GRHL1: variants seen among roughly 807,000 people sequenced by gnomAD.
GRHL1 encodes the protein grainyhead-like protein 1 homolog.
A neutral mutation model predicts 75.7 loss-of-function variants in GRHL1; 38 were observed. That is an observed-to-expected ratio of 0.50 (90% CI 0.39 to 0.66). The LOEUF (loss-of-function observed/expected upper bound fraction) is 0.66. Among genes scored for constraint, GRHL1 ranks in the 30% least tolerant of loss-of-function variants. GRHL1 has a pLI of 0.00. For missense variants in GRHL1, 589 were observed against 767.5 expected, an observed-to-expected ratio of 0.77 and a Z score of 2.75; for synonymous variants, 266 against 279.4, an observed-to-expected ratio of 0.95 and a Z score of 0.48.
In GRHL1 at chr2:9,965,324, C is replaced by G; in HGVS notation, c.1053C>G (p.Ile351Met). 2 of 1,611,300 alleles carry G rather than the reference C, an allele frequency of 1.2e-6. No individual in the cohort carries two copies. The highest frequency in any genetic ancestry group is 1.7e-6 in the Non-Finnish European group (2 of 1,177,456). ...AAAGCTTCAACACTATCAGTAACAT[C>G]GAGGAGATTGCGTATAACGCCATTT... Reference protein sequence around the residue: ...YKESFNTISNIEEIAYNAISF... With the variant: ...YKESFNTISNMEEIAYNAISF... Residue 351 changes from isoleucine to methionine, a missense_variant, in exon 8 of 16, where the codon ATC becomes ATG. Physicochemically the swap from Ile to Met is conservative, Grantham distance 10 (BLOSUM62 1). Around this residue, in one of 5 missense-constraint regions of GRHL1, gnomAD observed 362 missense variants for 461.8 expected, o/e 0.78. Coordinates refer to ENST00000324907, the MANE Select transcript of GRHL1 (RefSeq NM_198182.3).
In GRHL1 at chr2:9,968,820, C is replaced by T. The variant is rs142614261; in HGVS notation, c.1110+3439C>T. On this transcript the variant is annotated intron_variant, in intron 8 of 15. Transcript: ENST00000324907. This position sits in a 1 kb window ranked among gnomAD's most constrained non-coding sequence, Gnocchi z 4.7. ...TTCAGAACTGAGCCCAGCACATATC[C>T]GAGAGCCTGCTGTGGACAAGGCGTG... Among the ~76,000 whole-genome samples the T allele has an allele frequency of 1.1e-3, 166 of 152,270 alleles. No homozygotes were observed. Among genetic ancestry groups the T allele is most frequent in the Non-Finnish European group, 1.8e-3 (120 of 68,012 alleles).
intron 2 of GRHL1, among the ~76,000 whole-genome samples, chr2:9,957,741 G>A (rs529907716): frequency 5.3e-5 from 8 of 152,298 alleles, no homozygotes; most frequent in African/African-American, 1.4e-4. Context: ...TGAAAACAAG[G>A]ATGCAGGAAT....
chr2:9,983,712 TC>T (rs1238918827), intron 8 of GRHL1, among the ~76,000 whole-genome samples: 1 of 152,060 alleles, frequency 6.6e-6, no homozygotes, highest in Admixed American at 6.5e-5. Flanking sequence ...ATTCGGATTT[TC>T]CATTGGTTGT....
chr2:9,988,527 C>T (rs145095681), intron 9 of GRHL1, among the ~76,000 whole-genome samples: 14 of 152,126 alleles, frequency 9.2e-5, no homozygotes, highest in Non-Finnish European at 1.5e-4. Flanking sequence ...TACCCGGCCA[C>T]GTACTGGAGT....
chr2:9,995,365 G>T (rs73162261), intron 12 of GRHL1: 3,207 of 152,416 alleles, frequency 0.021, 120 homozygotes, highest in African/African-American at 0.073. Flanking sequence ...GCCAAGGTAG[G>T]AAGATCGCTT....
chr2:9,955,373 T>C (rs373096013), intron 2 of GRHL1, among the ~76,000 whole-genome samples: 1 of 152,212 alleles, frequency 6.6e-6, no homozygotes, highest in African/African-American at 2.4e-5. Context: ...TAGATGTGCC[T>C]TCTTGGGTTT....
At chr2:9,994,793 C>G (rs150713921) in intron 12 of GRHL1, among the ~76,000 whole-genome samples, 13 of 152,220 alleles carry the variant, frequency 8.5e-5, no homozygotes, top group Non-Finnish European at 1.9e-4. Context: ...CTGCTGGACC[C>G]TCCATGCCAG....
In GRHL1 at chr2:9,987,751, C is replaced by T. The variant is rs1022539667; in HGVS notation, c.1269+1469C>T. On this transcript the variant is annotated intron_variant, in intron 9 of 15. Transcript: ENST00000324907. This position sits in a 1 kb window ranked among gnomAD's most constrained non-coding sequence, Gnocchi z 4.2. ...TGCAGGGAGAGTCTGGAAGGTGCGT[C>T]GAGTCTTGAGGGGAAAGTTTGTGCT... is the stretch of plus-strand genomic sequence containing the variant. Among the ~76,000 whole-genome samples, 4 of 152,100 alleles carry T rather than the reference C, an allele frequency of 2.6e-5. No homozygotes were observed. The highest frequency in any genetic ancestry group is 6.6e-5 in the Admixed American group (1 of 15,266).
rs117618691 is a variant in GRHL1 at position 9,955,806 on chromosome 2, T to C, written c.207+705T>C. On this transcript the variant is annotated intron_variant, in intron 2 of 15. Coordinates refer to ENST00000324907, the MANE Select transcript of GRHL1 (RefSeq NM_198182.3). Reference sequence around the variant, plus strand: ...TAGTCTGGTCCATGGCCGAGGCCACTGTCTTTCTAATGCAGCGTGCATACC... The same window carrying C: ...TAGTCTGGTCCATGGCCGAGGCCACCGTCTTTCTAATGCAGCGTGCATACC... Among the ~76,000 whole-genome samples, 18 of 152,380 alleles carry C rather than the reference T, an allele frequency of 1.2e-4. No individual in the cohort carries two copies. The East Asian group carries it at 3.1e-3, about 26-fold the overall frequency.
Position 9,955,027 on chromosome 2 carries a change from A to T in GRHL1, c.133A>T (p.Thr45Ser), listed in dbSNP as rs1037317771. Residue 45 changes from threonine (T) to serine (S), a missense_variant, in exon 2 of 16, where the codon ACC becomes TCC. Around this residue, in one of 5 missense-constraint regions of GRHL1, gnomAD observed 362 missense variants for 461.8 expected, o/e 0.78. Coordinates refer to ENST00000324907, the MANE Select transcript of GRHL1 (RefSeq NM_198182.3). ...CCTGGAAAACCCTCTCACTGCAGCG[A>T]CCAAAGCGATGATGAGCATCAATGG... ...SFLENPLTAA[T>S]KAMMSINGDE... 4 of 1,613,644 alleles carry T rather than the reference A, an allele frequency of 2.5e-6. No individual in the cohort carries two copies. Among genetic ancestry groups the T allele is most frequent in the South Asian group, 1.1e-5 (1 of 91,084 alleles).
intron 2 of GRHL1, among the ~76,000 whole-genome samples, 176 bp from the exon 3 acceptor site, chr2:9,958,608 ATT>A (rs1197367027): frequency 6.6e-6 from 1 of 152,206 alleles, no homozygotes; most frequent in East Asian, 1.9e-4. Context: ...GGGTGACTAG[ATT>A]TTAAGCTCGT....
At chr2:9,962,065 T>C (rs1471441440) in intron 4 of GRHL1, among the ~76,000 whole-genome samples, 3 of 152,186 alleles carry the variant, frequency 2.0e-5, no homozygotes, top group African/African-American at 7.2e-5. Context: ...ACCACATCTC[T>C]TCAGCTGTGG....
In GRHL1 at chr2:9,993,981, T is replaced by C. The variant is rs78434848; in HGVS notation, c.1499+737T>C. On this transcript the variant is annotated intron_variant, in intron 12 of 15. Coordinates refer to ENST00000324907, the MANE Select transcript of GRHL1 (RefSeq NM_198182.3). ...GCTGTGATTCATTAGTCATTTACTT[T>C]GATGCTCAGGTTGTCCCAGAATTGG... Among the ~76,000 whole-genome samples the C allele has an allele frequency of 5.5e-3, 840 of 152,374 alleles. 10 individuals are homozygous for C. Among genetic ancestry groups the C allele is most frequent in the African/African-American group, 0.019 (789 of 41,584 alleles).
At chr2:9,974,864 C>T (rs1014696487) in intron 8 of GRHL1, among the ~76,000 whole-genome samples, 1 of 152,182 alleles carries the variant, frequency 6.6e-6, no homozygotes, top group Non-Finnish European at 1.5e-5. Context: ...AAAGCCTGAC[C>T]TCAGAGGAGA....
chr2:9,978,908 T>A (rs1455320329), intron 8 of GRHL1, among the ~76,000 whole-genome samples: 2 of 152,014 alleles, frequency 1.3e-5, no homozygotes, highest in Non-Finnish European at 2.9e-5. Flanking sequence ...GGAGAATCAC[T>A]TCAACCCGGG....
In GRHL1 at chr2:9,961,366, A is replaced by T; in HGVS notation, c.599A>T (p.Gln200Leu). 1.9e-6 allele frequency: 3 copies of T among 1,614,158 alleles called. No individual in the cohort carries two copies. The highest frequency in any genetic ancestry group is 2.5e-6 in the Non-Finnish European group (3 of 1,179,992). Residue 200 changes from glutamine to leucine, a missense_variant, in exon 4 of 16, where the codon CAA (glutamine) becomes CTA (leucine). Gln to Leu is a moderately radical substitution (Grantham distance 113, BLOSUM62 -2). Coordinates refer to ENST00000324907, the MANE Select transcript of GRHL1 (RefSeq NM_198182.3). ...ACTGACCAGTTCAGCTCTGGTGCTC[A>T]AGCCCCAAATGCTCAAAGGCGAACT... is the stretch of plus-strand genomic sequence containing the variant. ...LNTDQFSSGA[Q>L]APNAQRRTPD...
At chr2:9,983,087 C>G (rs1668266588) in intron 8 of GRHL1, among the ~76,000 whole-genome samples, 1 of 152,192 alleles carries the variant, frequency 6.6e-6, no homozygotes, top group South Asian at 2.1e-4. Context: ...TTAAACCCGG[C>G]ACGTATGTCC....
chr2:9,963,515 C>G (rs1202699102), intron 5 of GRHL1, among the ~76,000 whole-genome samples: 2 of 152,158 alleles, frequency 1.3e-5, no homozygotes, highest in Non-Finnish European at 2.9e-5. Flanking sequence ...CAAAAAAATG[C>G]TATATAGGCC....
chr2:9,991,709 A>G (rs546234914), intron 10 of GRHL1, among the ~76,000 whole-genome samples: 340 of 152,376 alleles, frequency 2.2e-3, no homozygotes, highest in African/African-American at 7.7e-3. Context: ...CTTTCCAATG[A>G]AAACTAAATA....
Sources: gnomAD v4.1 joint callset for allele counts (sites outside exome capture counted in the v4.1 genomes callset) on GRCh38, gnomAD v4.1.1 for gene constraint, gnomAD v4.1.1 regional missense constraint, Gnocchi (gnomAD v3.1) non-coding constraint, MANE v1.5 for transcripts, NCBI Gene and HGNC (gene_info 2026-07-23, HGNC 2026-07-21) for gene names.